EXOC6B: variants seen among roughly 807,000 people sequenced by gnomAD.
EXOC6B encodes the protein exocyst complex component 6B.
A neutral mutation model predicts 113.5 loss-of-function variants in EXOC6B; 54 were observed. That is an observed-to-expected ratio of 0.48 (90% CI 0.38 to 0.60). The LOEUF (loss-of-function observed/expected upper bound fraction) is 0.60. EXOC6B is among the 20% of genes least tolerant of loss of function. The pLI is 0.00. For synonymous variants in EXOC6B, 357 were observed against 339.0 expected (o/e 1.05, Z -0.58); for missense variants, 797 against 977.5 (o/e 0.82, Z 2.46).
Position 72,515,107 on chromosome 2 carries a change from T to C in EXOC6B, c.935A>G (p.Glu312Gly). ...TCGCCTCTGTTTTCGGTAGTAATTC[T>C]CAAATGTTTCCCGGGCACCCTGTAA... ...YSVLGARETF[E>G]NYYRKQRRKQ... The change falls in exon 9 of 22, where the codon GAG becomes GGG. Residue 312 changes from glutamate to glycine, a missense_variant. Transcript: ENST00000272427. 6.2e-7 allele frequency: 1 copy of C among 1,604,506 alleles called. No individual in the cohort carries two copies. The highest frequency in any genetic ancestry group is 8.5e-7 in the Non-Finnish European group (1 of 1,175,260).
intron 17 of EXOC6B, among the ~76,000 whole-genome samples, chr2:72,478,239 G>A (rs1360023129): frequency 6.6e-6 from 1 of 152,124 alleles, no homozygotes; most frequent in Non-Finnish European, 1.5e-5. Flanking sequence ...ATTCTCTTTT[G>A]TAAGAGAGTG....
intron 19 of EXOC6B, among the ~76,000 whole-genome samples, chr2:72,377,018 C>T (rs1691404989): frequency 6.6e-6 from 1 of 151,680 alleles, no homozygotes; most frequent in Non-Finnish European, 1.5e-5. Flanking sequence ...AGAAAAATAA[C>T]TCGATTAAAA....
At chr2:72,213,540 G>T (rs1680325564) in intron 20 of EXOC6B, among the ~76,000 whole-genome samples, 1 of 148,762 alleles carries the variant, frequency 6.7e-6, no homozygotes, top group East Asian at 1.9e-4. Context: ...ATGGAGGAAT[G>T]AATTGCCTTA....
At chr2:72,791,469 C>T (rs1573803405) in intron 1 of EXOC6B, among the ~76,000 whole-genome samples, 4 of 152,178 alleles carry the variant, frequency 2.6e-5, no homozygotes, top group African/African-American at 9.7e-5. Flanking sequence ...TGGCTTAAGC[C>T]GAGGGAAGTT....
At chr2:72,328,679 T>C (rs1230366010) in intron 20 of EXOC6B, among the ~76,000 whole-genome samples, 1 of 152,110 alleles carries the variant, frequency 6.6e-6, no homozygotes, top group Admixed American at 6.6e-5. Context: ...GGACATGCAG[T>C]GGCTCTGCAT....
At chr2:72,353,188 A>T (rs1054364756) in intron 19 of EXOC6B, among the ~76,000 whole-genome samples, 5 of 152,174 alleles carry the variant, frequency 3.3e-5, no homozygotes, top group African/African-American at 1.2e-4. Context: ...GCAGAAAGAG[A>T]TGGCCACACA....
chr2:72,629,817 C>T (rs1672276594), intron 6 of EXOC6B, among the ~76,000 whole-genome samples: 1 of 152,136 alleles, frequency 6.6e-6, no homozygotes, highest in African/African-American at 2.4e-5. Context: ...CCACTTTTGC[C>T]TTCAGGCTTT....
chr2:72,612,323 T>C (rs1671125399), intron 6 of EXOC6B, among the ~76,000 whole-genome samples: 1 of 152,010 alleles, frequency 6.6e-6, no homozygotes, highest in African/African-American at 2.4e-5. Flanking sequence ...TGATAAACAC[T>C]ACTGTGCCTT....
intron 20 of EXOC6B, among the ~76,000 whole-genome samples, chr2:72,273,707 T>C (rs111874937): frequency 5.8e-4 from 89 of 152,160 alleles, no homozygotes; most frequent in Non-Finnish European, 1.1e-3. Context: ...AAAATTAAAC[T>C]GGAAAGGCAG....
intron 1 of EXOC6B, among the ~76,000 whole-genome samples, chr2:72,811,892 T>G (rs1685943727): frequency 6.6e-6 from 1 of 152,126 alleles, no homozygotes; most frequent in African/African-American, 2.4e-5. Context: ...AGAGGAAAAT[T>G]TCCTCAAATT....
chr2:72,514,906 C>T (rs1701135379), intron 9 of EXOC6B, 137 bp downstream of exon 9: 1 of 801,972 alleles, frequency 1.2e-6, no homozygotes, highest in African/African-American at 1.7e-5. Context: ...TACTGCAAGT[C>T]ACATCCACCA....
chr2:72,183,795 C>T (rs558440756), intron 21 of EXOC6B, among the ~76,000 whole-genome samples: 4 of 151,948 alleles, frequency 2.6e-5, no homozygotes, highest in South Asian at 4.2e-4. Flanking sequence ...TAGTAAGAGA[C>T]GCTAGTAAGA....
chr2:72,701,121 A>G (rs1363625683), intron 6 of EXOC6B, among the ~76,000 whole-genome samples: 1 of 152,036 alleles, frequency 6.6e-6, no homozygotes, highest in Non-Finnish European at 1.5e-5. Flanking sequence ...AGGAAGGTGG[A>G]TCATGAGGTC....
intron 19 of EXOC6B, among the ~76,000 whole-genome samples, chr2:72,353,690 A>C (rs960023600): frequency 1.3e-5 from 2 of 152,046 alleles, no homozygotes; most frequent in African/African-American, 4.8e-5. Flanking sequence ...AAAACTTTAA[A>C]TAATTGTTTC....
At chr2:72,384,234 G>T (rs1691861243) in intron 18 of EXOC6B, among the ~76,000 whole-genome samples, 1 of 151,842 alleles carries the variant, frequency 6.6e-6, no homozygotes, top group African/African-American at 2.4e-5. Context: ...AATGAGAGTG[G>T]GAATAGAGTG....
At chr2:72,799,073 T>C (rs1685135742) in intron 1 of EXOC6B, among the ~76,000 whole-genome samples, 2 of 151,040 alleles carry the variant, frequency 1.3e-5, no homozygotes, top group African/African-American at 2.4e-5. Context: ...ACCTCGTCTC[T>C]ACAAAAAAAT....
intron 19 of EXOC6B, among the ~76,000 whole-genome samples, chr2:72,371,750 C>T (rs1179811052): frequency 6.6e-6 from 1 of 152,088 alleles, no homozygotes; most frequent in Non-Finnish European, 1.5e-5. Context: ...AAACCAAAAG[C>T]TTTTTCTCTA....
intron 6 of EXOC6B, among the ~76,000 whole-genome samples, chr2:72,707,582 T>C (rs1257123183): frequency 1.3e-5 from 2 of 151,896 alleles, no homozygotes; most frequent in Non-Finnish European, 2.9e-5. Context: ...CCCAGCTAAT[T>C]TTTGTATTTT....
At chr2:72,794,577 G>A (rs1400385963) in intron 1 of EXOC6B, among the ~76,000 whole-genome samples, 3 of 152,190 alleles carry the variant, frequency 2.0e-5, no homozygotes, top group Non-Finnish European at 2.9e-5. Context: ...GGTGCTGATA[G>A]ATTATGATCA....
Sources: gnomAD v4.1 joint callset for allele counts (sites outside exome capture counted in the v4.1 genomes callset) on GRCh38, gnomAD v4.1.1 for gene constraint, MANE v1.5 for transcripts, NCBI Gene and HGNC (gene_info 2026-07-23, HGNC 2026-07-21) for gene names.